The following KIF6 variants were observed in gnomAD, a reference collection of about 807,000 sequenced individuals.
The protein encoded by KIF6 is kinesin-like protein KIF6.
A neutral mutation model predicts 112.7 loss-of-function variants in KIF6; 106 were observed. The ratio of observed to expected loss-of-function variants is 0.94; its 90% CI spans 0.80 to 1.11. KIF6 has a LOEUF of 1.11. Ranked by LOEUF, KIF6 falls within the 50% of genes least tolerant of loss-of-function variation. KIF6 has a pLI of 0.00. For synonymous variants in KIF6, 339 were observed against 339.9 expected (o/e 1.00, Z 0.03); for missense variants, 929 against 964.0 (o/e 0.96, Z 0.48).
intron 15 of KIF6, among the ~76,000 whole-genome samples, chr6:39,401,307 C>T (rs561890952): frequency 6.6e-6 from 1 of 152,350 alleles, no homozygotes; most frequent in East Asian, 1.9e-4. Flanking sequence ...TCTGAGTTAT[C>T]TCAGAGGTAA....
At chr6:39,527,020 T>C (rs1777777349) in intron 13 of KIF6, among the ~76,000 whole-genome samples, 1 of 152,202 alleles carries the variant, frequency 6.6e-6, no homozygotes, top group South Asian at 2.1e-4. Context: ...TCTATCAAAT[T>C]CTCCTTGAGC....
chr6:39,668,910 T>A (rs1786641662), intron 3 of KIF6, among the ~76,000 whole-genome samples: 2 of 152,248 alleles, frequency 1.3e-5, no homozygotes, highest in Middle Eastern at 3.4e-3. Context: ...AATTTTAAAT[T>A]ATAATAATAG....
chr6:39,592,744 T>C (rs1328653512), intron 7 of KIF6, among the ~76,000 whole-genome samples: 1 of 152,198 alleles, frequency 6.6e-6, no homozygotes, highest in East Asian at 1.9e-4. Context: ...AAGTACTGCA[T>C]ATACAAGGAG....
intron 3 of KIF6, among the ~76,000 whole-genome samples, chr6:39,677,305 G>C (rs562336416): frequency 3.3e-5 from 5 of 152,000 alleles, no homozygotes; most frequent in South Asian, 2.1e-4. Context: ...AATATATAAG[G>C]CATAAATTGA....
intron 6 of KIF6, among the ~76,000 whole-genome samples, chr6:39,612,048 G>A (rs1013079994): frequency 5.9e-5 from 9 of 152,136 alleles, no homozygotes; most frequent in Non-Finnish European, 1.5e-5. Flanking sequence ...CTATTGAAAA[G>A]TATTGATGCA....
intron 10 of KIF6, among the ~76,000 whole-genome samples, chr6:39,571,649 A>G (rs755679785): frequency 3.3e-5 from 5 of 152,228 alleles, no homozygotes; most frequent in African/African-American, 4.8e-5. Flanking sequence ...CTCTCAGACC[A>G]CAATTCATTT....
chr6:39,708,651 C>T (rs755393255), intron 3 of KIF6, among the ~76,000 whole-genome samples: 1 of 152,150 alleles, frequency 6.6e-6, no homozygotes, highest in African/African-American at 2.4e-5. Flanking sequence ...ATTTCCTACA[C>T]CCCAAGCTTT....
intron 12 of KIF6, among the ~76,000 whole-genome samples, chr6:39,541,310 T>G (rs183186392): frequency 6.6e-6 from 1 of 152,380 alleles, no homozygotes; most frequent in Non-Finnish European, 1.5e-5. Flanking sequence ...CTCTCTCTGA[T>G]GTGGCTTCCA....
intron 14 of KIF6, among the ~76,000 whole-genome samples, chr6:39,427,542 T>C (rs1770860347): frequency 6.6e-6 from 1 of 152,200 alleles, no homozygotes; most frequent in African/African-American, 2.4e-5. Flanking sequence ...AATAGTCCTT[T>C]AATGGTTAGT....
At chr6:39,626,340 T>G (rs942220931) in intron 5 of KIF6, among the ~76,000 whole-genome samples, 2 of 152,146 alleles carry the variant, frequency 1.3e-5, no homozygotes, top group Non-Finnish European at 2.9e-5. Flanking sequence ...TCACCCAGAC[T>G]GACACAAGTG....
chr6:39,599,055 A>G (rs770095311), intron 6 of KIF6, among the ~76,000 whole-genome samples: 4 of 152,168 alleles, frequency 2.6e-5, no homozygotes, highest in Non-Finnish European at 2.9e-5. Context: ...GCAATATTCT[A>G]TTTCATTTAG....
intron 13 of KIF6, among the ~76,000 whole-genome samples, chr6:39,473,324 T>A (rs1001013949): frequency 1.3e-5 from 2 of 152,186 alleles, no homozygotes; most frequent in African/African-American, 4.8e-5. Flanking sequence ...AAGGTTTTGC[T>A]AACTTTTCTG....
At chr6:39,582,019 T>A (rs1357161465) in intron 9 of KIF6, among the ~76,000 whole-genome samples, 1 of 152,108 alleles carries the variant, frequency 6.6e-6, no homozygotes, top group Non-Finnish European at 1.5e-5. Context: ...ATCATGTGGG[T>A]TTTGTTTGCT....
At chr6:39,525,932 G>A (rs1362887601) in intron 13 of KIF6, among the ~76,000 whole-genome samples, 1 of 152,076 alleles carries the variant, frequency 6.6e-6, no homozygotes, top group Admixed American at 6.5e-5. Context: ...TGGAAATGTT[G>A]GTCGGGATTC....
intron 22 of KIF6, among the ~76,000 whole-genome samples, chr6:39,337,251 TTTCCC>T (rs1763079000): frequency 1.3e-5 from 1 of 79,516 alleles, no homozygotes; most frequent in African/African-American, 5.7e-5. Flanking sequence ...CTTTCTTTTC[TTTCCC>T]TCCCTCCCTC....
At chr6:39,416,056 G>T (rs1769896478) in intron 15 of KIF6, among the ~76,000 whole-genome samples, 1 of 152,300 alleles carries the variant, frequency 6.6e-6, no homozygotes, top group South Asian at 2.1e-4. Context: ...TTTCATTTAG[G>T]CCTGGAGGGG....
Position 39,578,044 on chromosome 6 carries a change from C to T in KIF6, c.1181+12G>A. 1 of 1,580,022 alleles carries T rather than the reference C, an allele frequency of 6.3e-7. No individual in the cohort carries two copies. The highest frequency in any genetic ancestry group is 1.7e-4 in the Middle Eastern group (1 of 5,952). ...CTGTTAAAGAAAAAGAAAAAAAAGT[C>T]TGCAGACTTACTGAAGGAGCTCTGC... is the stretch of plus-strand genomic sequence containing the variant. On this transcript the variant is annotated intron_variant, in intron 10 of 22. Transcript: ENST00000287152.
intron 3 of KIF6, among the ~76,000 whole-genome samples, chr6:39,654,216 G>C (rs906503031): frequency 1.3e-5 from 2 of 152,090 alleles, no homozygotes; most frequent in South Asian, 2.1e-4. Flanking sequence ...CAGGGTGGTG[G>C]GGGACAAACT....
chr6:39,555,200 C>T (rs1779628746), intron 10 of KIF6, among the ~76,000 whole-genome samples: 1 of 152,174 alleles, frequency 6.6e-6, no homozygotes, highest in South Asian at 2.1e-4. Flanking sequence ...CTGGGGCTTT[C>T]CCCACCTCAT....
Sources: gnomAD v4.1 joint callset for allele counts (sites outside exome capture counted in the v4.1 genomes callset) on GRCh38, gnomAD v4.1.1 for gene constraint, MANE v1.5 for transcripts, NCBI Gene and HGNC (gene_info 2026-07-23, HGNC 2026-07-21) for gene names.